The following SMURF2 variants were observed in gnomAD, a reference collection of about 807,000 sequenced individuals.
SMURF2 encodes the protein E3 ubiquitin-protein ligase SMURF2.
Under a neutral mutation model 109.6 loss-of-function variants are expected in SMURF2, and 48 were observed. The ratio of observed to expected loss-of-function variants is 0.44; its 90% CI spans 0.35 to 0.56. SMURF2 has a LOEUF of 0.56. Among genes scored for constraint, SMURF2 ranks in the 20% least tolerant of loss-of-function variants. The pLI is 0.01. For synonymous variants in SMURF2, 288 were observed against 317.1 expected, an observed-to-expected ratio of 0.91 and a Z score of 0.97; for missense variants, 575 against 909.0, an observed-to-expected ratio of 0.63 and a Z score of 4.72.
intron 1 of SMURF2, among the ~76,000 whole-genome samples, chr17:64,627,837 G>A (rs1470212261): frequency 1.3e-5 from 2 of 152,152 alleles, no homozygotes; most frequent in African/African-American, 4.8e-5. Flanking sequence ...CAAAAATTTG[G>A]CTTTTCTAAT....
chr17:64,637,129 AT>A (rs546886359), intron 1 of SMURF2, among the ~76,000 whole-genome samples: 513 of 143,446 alleles, frequency 3.6e-3, no homozygotes, highest in Middle Eastern at 0.011. Context: ...TATCTAAGAG[AT>A]TTTTTTTTTT....
intron 5 of SMURF2, among the ~76,000 whole-genome samples, chr17:64,588,069 C>T (rs1598283837): frequency 8.5e-6 from 1 of 118,062 alleles, no homozygotes; most frequent in East Asian, 2.4e-4. Context: ...AGTAACAATG[C>T]TATAGAAATG....
rs10699585 is a variant in SMURF2 at position 64,586,775 on chromosome 17, A to AAG, written c.401-606_401-605insCT. On this transcript the variant is annotated intron_variant, in intron 5 of 18. Coordinates refer to ENST00000262435, the MANE Select transcript of SMURF2 (RefSeq NM_022739.4). ...CAAAAAAAAAAAAAAAAAAAAAAAAAGGAAGAGGCATAACATATTAAGGGT... is the reference window on the plus strand; with the variant it reads ...CAAAAAAAAAAAAAAAAAAAAAAAAAAGGGAAGAGGCATAACATATTAAGGGT... Among the ~76,000 whole-genome samples, 33 of 149,748 alleles carry AAG rather than the reference A, an allele frequency of 2.2e-4. No homozygotes were observed. The Admixed American group carries it at 2.2e-3, about 10-fold the overall frequency.
chr17:64,638,567 A>G (rs1216239158), intron 1 of SMURF2, among the ~76,000 whole-genome samples: 15 of 152,244 alleles, frequency 9.9e-5, no homozygotes, highest in African/African-American at 3.6e-4. Context: ...ATAATGTTAT[A>G]TCAACTTTTA....
At position 64,581,071 on chromosome 17, in the gene SMURF2, C is replaced by T; in HGVS notation, c.570-80G>A. On this transcript the variant is annotated intron_variant, in intron 7 of 18. Coordinates refer to ENST00000262435, the MANE Select transcript of SMURF2 (RefSeq NM_022739.4). This position sits in a 1 kb window ranked among gnomAD's most constrained non-coding sequence, Gnocchi z 4.3. ...TTCTCTAGACAATATATATATACTGCAGTAACAACCACTTATCATGTCTGA... is the reference window on the plus strand; with the variant it reads ...TTCTCTAGACAATATATATATACTGTAGTAACAACCACTTATCATGTCTGA... 8.4e-7 allele frequency: 1 copy of T among 1,194,390 alleles called. No individual in the cohort carries two copies. The highest frequency in any genetic ancestry group is 1.2e-6 in the Non-Finnish European group (1 of 820,712). 74.0% of individuals were successfully genotyped at this position (1,194,390 alleles called of 1,614,324 possible).
In SMURF2 at chr17:64,594,990, CA is replaced by C. The variant is rs566584946; in HGVS notation, c.201-1418del. On this transcript the variant is annotated intron_variant, in intron 3 of 18. Coordinates refer to ENST00000262435, the MANE Select transcript of SMURF2 (RefSeq NM_022739.4). ...GGGCAACAAGAGCAAAACTCCGTCT[CA>C]AAAAAAGAAAAAAAAAAGTTACGTT... Among the ~76,000 whole-genome samples the C allele has an allele frequency of 1.4e-4, 21 of 150,158 alleles. No homozygotes were observed. The East Asian group carries it at 4.1e-3, about 29-fold the overall frequency.
intron 10 of SMURF2, among the ~76,000 whole-genome samples, chr17:64,571,001 T>C (rs1419356695): frequency 6.6e-6 from 1 of 152,030 alleles, no homozygotes; most frequent in Non-Finnish European, 1.5e-5. Context: ...CAGGTTGGTC[T>C]TGAACTCCTA....
chr17:64,660,438 A>T (rs1970760636), intron 1 of SMURF2, among the ~76,000 whole-genome samples: 1 of 152,232 alleles, frequency 6.6e-6, no homozygotes, highest in Non-Finnish European at 1.5e-5. Flanking sequence ...CAGGTTTTCC[A>T]TTAAGAATCA....
At chr17:64,656,835 T>C (rs191322260) in intron 1 of SMURF2, among the ~76,000 whole-genome samples, 2 of 152,240 alleles carry the variant, frequency 1.3e-5, no homozygotes, top group African/African-American at 4.8e-5. Context: ...TTCCAGTCCA[T>C]CCTCCATACT....
At chr17:64,656,414 G>A (rs929043783) in intron 1 of SMURF2, among the ~76,000 whole-genome samples, 2 of 152,140 alleles carry the variant, frequency 1.3e-5, no homozygotes, top group Non-Finnish European at 2.9e-5. Flanking sequence ...TTAGTAAACA[G>A]ACAGGAAAAT....
chr17:64,652,852 C>T (rs191570632), intron 1 of SMURF2, among the ~76,000 whole-genome samples: 1 of 151,596 alleles, frequency 6.6e-6, no homozygotes, highest in African/African-American at 2.4e-5. Flanking sequence ...AATAGGGCTA[C>T]AAAAATAGAA....
At chr17:64,606,489 AAAT>A (rs1427354805) in intron 2 of SMURF2, 110 bp downstream of exon 2, 16 of 813,468 alleles carry the variant, frequency 2.0e-5, no homozygotes, top group Non-Finnish European at 2.9e-5. Flanking sequence ...ATTCATAATA[AAAT>A]AACACTGACA....
At chr17:64,651,151 C>T (rs782553258) in intron 1 of SMURF2, among the ~76,000 whole-genome samples, 1 of 151,936 alleles carries the variant, frequency 6.6e-6, no homozygotes. Context: ...GAGCTGAGAT[C>T]GCGCCATTGC....
rs1226378210 is a variant in SMURF2 at position 64,547,547 on chromosome 17, T to G, written c.2071+53A>C. 1 of 1,512,468 alleles carries G rather than the reference T, an allele frequency of 6.6e-7. No individual in the cohort carries two copies. Among genetic ancestry groups the G allele is most frequent in the Non-Finnish European group, 9.2e-7 (1 of 1,088,762 alleles). 93.7% of individuals were successfully genotyped at this position (1,512,468 alleles called of 1,614,324 possible). A position where few individuals can be genotyped will look rare whatever the true frequency, so the allele number is the denominator to read the frequency against. On this transcript the variant is annotated intron_variant, in intron 17 of 18. Coordinates refer to ENST00000262435, the MANE Select transcript of SMURF2 (RefSeq NM_022739.4). This position sits in a 1 kb window ranked among gnomAD's most constrained non-coding sequence, Gnocchi z 4.2. ...CAAAATATCTCCACAGACCCCACGC[T>G]GACAGCCCCGCCCCCACCCGCTGCC...
At chr17:64,566,561 GTTTTTTTTTTTTTTTTTTT>G (rs1164717270) in intron 10 of SMURF2, among the ~76,000 whole-genome samples, 2 of 43,784 alleles carry the variant, frequency 4.6e-5, no homozygotes, top group Non-Finnish European at 8.5e-5. Context: ...AAGCTTTCTG[GTTTTTTTTTTTTTTTTTTT>G]TTTTTTTTTT....
At chr17:64,572,055 A>C (rs1300031296) in intron 9 of SMURF2, 99 bp from the exon 10 acceptor site, 1 of 1,044,088 alleles carries the variant, frequency 9.6e-7, no homozygotes, top group Admixed American at 3.4e-5. Context: ...GTGTGAGAAA[A>C]TGTATTGTTT....
At chr17:64,639,156 A>T (rs574353311) in intron 1 of SMURF2, among the ~76,000 whole-genome samples, 1 of 152,230 alleles carries the variant, frequency 6.6e-6, no homozygotes, top group South Asian at 2.1e-4. Flanking sequence ...GAAAAATCTT[A>T]AACTACACAC....
intron 1 of SMURF2, among the ~76,000 whole-genome samples, chr17:64,657,163 T>C (rs1034759694): frequency 1.3e-5 from 2 of 152,038 alleles, no homozygotes; most frequent in Admixed American, 1.3e-4. Flanking sequence ...TACCAGTGGG[T>C]TAGGTCTGGT....
chr17:64,649,123 TAA>T (rs1970601401), intron 1 of SMURF2, among the ~76,000 whole-genome samples: 1 of 152,236 alleles, frequency 6.6e-6, no homozygotes, highest in South Asian at 2.1e-4. Context: ...ATGTAGCATT[TAA>T]AGAGTTTACA....
Sources: allele counts gnomAD v4.1 joint callset (sites outside exome capture counted in the v4.1 genomes callset), GRCh38; gene constraint gnomAD v4.1.1; non-coding constraint Gnocchi (gnomAD v3.1); transcripts MANE v1.5; gene names NCBI Gene and HGNC (gene_info 2026-07-23, HGNC 2026-07-21).